Variants in ANTXR1 observed in about 807,000 individuals in gnomAD.
ANTXR1 encodes the protein ANTXR cell adhesion molecule 1.
Under a neutral mutation model 78.1 loss-of-function variants are expected in ANTXR1, and 19 were observed. The observed-to-expected ratio is 0.24, with a 90% CI of 0.17 to 0.36. The LOEUF (loss-of-function observed/expected upper bound fraction) is 0.36, where lower values mean the gene tolerates loss of function less well. Among genes scored for constraint, ANTXR1 ranks in the 10% least tolerant of loss-of-function variants. The probability of loss-of-function intolerance (pLI) is 1.00; values close to 1 mark genes in which losing one functional copy is unlikely to be tolerated. For missense variants in ANTXR1, 518 were observed against 718.6 expected (o/e 0.72, Z 3.19); for synonymous variants, 273 against 260.5 (o/e 1.05, Z -0.46).
intron 17 of ANTXR1, among the ~76,000 whole-genome samples, chr2:69,221,985 G>A (rs566334609): frequency 5.9e-5 from 9 of 152,238 alleles, no homozygotes; most frequent in African/African-American, 1.4e-4. Flanking sequence ...AGCGGGTTTC[G>A]GAAAAATGTT....
intron 8 of ANTXR1, among the ~76,000 whole-genome samples, chr2:69,085,666 C>T (rs1199300226): frequency 1.3e-5 from 2 of 151,706 alleles, no homozygotes; most frequent in Non-Finnish European, 2.9e-5. Flanking sequence ...CAGTCCTTCT[C>T]CTTGTAGAGT....
chr2:69,184,698 C>T (rs777700265), intron 16 of ANTXR1, among the ~76,000 whole-genome samples: 1 of 152,106 alleles, frequency 6.6e-6, no homozygotes, highest in Non-Finnish European at 1.5e-5. Flanking sequence ...AGTATATGGG[C>T]CAATACGTTT....
chr2:69,060,475 G>A (rs1011965392), intron 3 of ANTXR1, among the ~76,000 whole-genome samples: 2 of 152,100 alleles, frequency 1.3e-5, no homozygotes, highest in African/African-American at 4.8e-5. Flanking sequence ...ACTGAGTTCT[G>A]GAGCTGGAAC....
intron 3 of ANTXR1, among the ~76,000 whole-genome samples, chr2:69,049,899 A>T (rs1367367447): frequency 6.6e-6 from 1 of 152,166 alleles, no homozygotes; most frequent in African/African-American, 2.4e-5. Flanking sequence ...AAAACTTTTT[A>T]TCTGAAATAG....
intron 1 of ANTXR1, among the ~76,000 whole-genome samples, chr2:69,021,906 A>G (rs2103994377): frequency 6.6e-6 from 1 of 152,292 alleles, no homozygotes; most frequent in East Asian, 1.9e-4. Flanking sequence ...TGATGTTTCA[A>G]ATATGCCCAA....
chr2:69,134,468 A>G (rs79244222), intron 12 of ANTXR1, among the ~76,000 whole-genome samples: 2 of 152,136 alleles, frequency 1.3e-5, no homozygotes, highest in Non-Finnish European at 2.9e-5. Context: ...TGAGCTCGCT[A>G]TTATAGTTGC....
At chr2:69,103,058 C>T (rs772310914) in intron 10 of ANTXR1, 118 bp downstream of exon 10, 3 of 1,072,908 alleles carry the variant, frequency 2.8e-6, no homozygotes, top group Admixed American at 1.7e-5. Flanking sequence ...GTCTTATTTG[C>T]TGGAAAGACC....
rs185597960 is a variant in ANTXR1, at chr2:69,080,569, G to A, written c.642+3081G>A. ...AAATACTTATTGAAAATCTTTTATG[G>A]CAGGCTCTGACCATTCAGTAACAAC... On this transcript the variant is annotated intron_variant, in intron 8 of 17. Coordinates refer to ENST00000303714, the MANE Select transcript of ANTXR1 (RefSeq NM_032208.3). Among the ~76,000 whole-genome samples, 390 of 152,218 alleles carry A rather than the reference G, an allele frequency of 2.6e-3. 2 individuals are homozygous for A. Among genetic ancestry groups the A allele is most frequent in the African/African-American group, 9.2e-3 (381 of 41,524 alleles).
At chr2:69,221,481 CA>C (rs1184102934) in intron 17 of ANTXR1, among the ~76,000 whole-genome samples, 1 of 152,094 alleles carries the variant, frequency 6.6e-6, no homozygotes, top group Non-Finnish European at 1.5e-5. Context: ...AAAAGAGACT[CA>C]GTAGCATCTT....
chr2:69,238,713 G>C (rs1675828930), intron 17 of ANTXR1, among the ~76,000 whole-genome samples: 1 of 152,168 alleles, frequency 6.6e-6, no homozygotes, highest in African/African-American at 2.4e-5. Flanking sequence ...GGTAATCAAT[G>C]GGAGAACTAG....
At position 69,075,103 on chromosome 2, in the gene ANTXR1, C is replaced by T. The variant is rs546909925; in HGVS notation, c.493-487C>T. On this transcript the variant is annotated intron_variant, in intron 6 of 17. Transcript: ENST00000303714. ...ATATGCTGACGTTTATGAGTATCTA[C>T]GTGGTTCTAGCCTTGTGTGAGGAGC... 4.6e-5 allele frequency among the ~76,000 whole-genome samples: 7 copies of T among 152,154 alleles called. No homozygotes were observed. The South Asian group carries it at 1.2e-3, about 27-fold the overall frequency.
chr2:69,173,288 C>T (rs1674039397), intron 14 of ANTXR1, among the ~76,000 whole-genome samples: 1 of 152,218 alleles, frequency 6.6e-6, no homozygotes, highest in South Asian at 2.1e-4. Flanking sequence ...GCCCTCTCTC[C>T]TGACTCCATC....
At chr2:69,116,832 G>A (rs59689988) in intron 10 of ANTXR1, among the ~76,000 whole-genome samples, 13,997 of 152,166 alleles carry the variant, frequency 0.092, 662 homozygotes, top group African/African-American at 0.11. Flanking sequence ...AAAGTATTTG[G>A]ATTATTTAAT....
intron 12 of ANTXR1, among the ~76,000 whole-genome samples, chr2:69,129,753 A>G (rs1442896292): frequency 7.2e-6 from 1 of 138,084 alleles, no homozygotes; most frequent in Non-Finnish European, 1.5e-5. Context: ...CCATCTCAAA[A>G]AAAAAAAAAG....
chr2:69,245,475 C>T lies in ANTXR1; in HGVS notation c.1685C>T (p.Pro562Leu). Residue 562 changes from proline (P) to leucine (L), a missense_variant, in exon 18 of 18, where the codon CCT (proline) becomes CTT (leucine). Physicochemically the swap from Pro to Leu is moderately conservative, Grantham distance 98. Transcript: ENST00000303714. ...APPPSRPPPRPSV is the reference protein window; with the variant it reads ...APPPSRPPPRLSV ...CCTCCCTCCCGCCCTCCTCCAAGGCCTTCTGTCTAGAGCCCAAAGTTCCTG... is the reference window on the plus strand; with the variant it reads ...CCTCCCTCCCGCCCTCCTCCAAGGCTTTCTGTCTAGAGCCCAAAGTTCCTG... 1 of 1,613,242 alleles carries T rather than the reference C, an allele frequency of 6.2e-7. No individual in the cohort carries two copies. The highest frequency in any genetic ancestry group is 8.5e-7 in the Non-Finnish European group (1 of 1,179,848).
chr2:69,245,184 G>A, intron 17 of ANTXR1, 41 bp from the exon 18 acceptor site: 1 of 1,613,348 alleles, frequency 6.2e-7, no homozygotes, highest in Non-Finnish European at 8.5e-7. Context: ...CCTGATGTGA[G>A]GCCGTCCGCT....
intron 9 of ANTXR1, among the ~76,000 whole-genome samples, chr2:69,094,136 C>T (rs1222660788): frequency 6.6e-6 from 1 of 152,196 alleles, no homozygotes; most frequent in Non-Finnish European, 1.5e-5. Flanking sequence ...TGTCCGGATG[C>T]CTGTCAGATA....
At chr2:69,068,268 A>T (rs968599736) in intron 3 of ANTXR1, among the ~76,000 whole-genome samples, 6 of 152,266 alleles carry the variant, frequency 3.9e-5, no homozygotes, top group Non-Finnish European at 7.3e-5. Flanking sequence ...CTAGAACTGA[A>T]ACAAACAAAA....
At chr2:69,169,463 A>G (rs540177097) in intron 13 of ANTXR1, among the ~76,000 whole-genome samples, 1 of 152,336 alleles carries the variant, frequency 6.6e-6, no homozygotes, top group South Asian at 2.1e-4. Context: ...GAGGGGTACA[A>G]GTTGGGGTCA....
Sources: gnomAD v4.1 joint callset for allele counts (sites outside exome capture counted in the v4.1 genomes callset) on GRCh38, gnomAD v4.1.1 for gene constraint, MANE v1.5 for transcripts, NCBI Gene and HGNC (gene_info 2026-07-23, HGNC 2026-07-21) for gene names.